The following CDH20 variants were observed in gnomAD, a reference collection of about 807,000 sequenced individuals.
CDH20 encodes cadherin 20.
CDH20 carries 29 observed loss-of-function variants against 74.2 expected under a neutral mutation model. That is an observed-to-expected ratio of 0.39 (90% CI 0.29 to 0.53). The LOEUF is 0.53. Among genes scored for constraint, CDH20 ranks in the 20% least tolerant of loss-of-function variants. The pLI is 0.69. For synonymous variants in CDH20, 469 were observed against 405.4 expected, an observed-to-expected ratio of 1.16 and a Z score of -1.88; for missense variants, 988 against 1,048.3, an observed-to-expected ratio of 0.94 and a Z score of 0.79.
intron 1 of CDH20, among the ~76,000 whole-genome samples, chr18:61,337,405 A>T (rs554787232): frequency 6.6e-6 from 1 of 152,360 alleles, no homozygotes; most frequent in African/African-American, 2.4e-5. Context: ...ATGTCAACTC[A>T]ATCAACATAT....
chr18:61,488,081 C>CATATATATATAT (rs71178973), intron 1 of CDH20, among the ~76,000 whole-genome samples: 3,429 of 148,794 alleles, frequency 0.023, 102 homozygotes, highest in East Asian at 0.091. Context: ...TACGTACATA[C>CATATATATATAT]ATATATATAT....
intron 1 of CDH20, among the ~76,000 whole-genome samples, chr18:61,489,646 T>C (rs1910885999): frequency 6.6e-6 from 1 of 151,978 alleles, no homozygotes; most frequent in South Asian, 2.1e-4. Context: ...AAAGGAGATT[T>C]GTTGACTAGA....
chr18:61,552,165 G>A (rs1375692886), intron 11 of CDH20, among the ~76,000 whole-genome samples: 1 of 99,506 alleles, frequency 1.0e-5, no homozygotes, highest in African/African-American at 3.7e-5. Context: ...AATTAATTCT[G>A]ACTTCCTGGG....
At chr18:61,476,662 A>G (rs1910400869) in intron 1 of CDH20, among the ~76,000 whole-genome samples, 2 of 152,308 alleles carry the variant, frequency 1.3e-5, no homozygotes, top group South Asian at 4.1e-4. Flanking sequence ...GCCTTGGTCT[A>G]GTTGGTTACC....
intron 1 of CDH20, among the ~76,000 whole-genome samples, chr18:61,416,554 T>C (rs1351944677): frequency 6.6e-6 from 1 of 152,214 alleles, no homozygotes; most frequent in Admixed American, 6.5e-5. Context: ...AATTTAGCTG[T>C]TGTTGCTCCA....
intron 7 of CDH20, among the ~76,000 whole-genome samples, chr18:61,534,987 G>A (rs558646): frequency 0.14 from 21,628 of 151,858 alleles, 1,930 homozygotes; most frequent in East Asian, 0.42. Flanking sequence ...CACATTGTAC[G>A]CCATAAATAT....
chr18:61,545,915 C>T (rs1243696050), intron 10 of CDH20, among the ~76,000 whole-genome samples: 1 of 152,098 alleles, frequency 6.6e-6, no homozygotes, highest in Non-Finnish European at 1.5e-5. Flanking sequence ...TTTTTTCCAA[C>T]AAGCATTCAG....
intron 1 of CDH20, among the ~76,000 whole-genome samples, chr18:61,455,611 T>C (rs1909547023): frequency 6.6e-6 from 1 of 151,958 alleles, no homozygotes; most frequent in Non-Finnish European, 1.5e-5. Flanking sequence ...AGGCACAAAT[T>C]TTGAGTCATT....
intron 6 of CDH20, among the ~76,000 whole-genome samples, chr18:61,508,914 G>C (rs552530796): frequency 6.6e-6 from 1 of 152,330 alleles, no homozygotes; most frequent in East Asian, 1.9e-4. Flanking sequence ...TGGGATTACA[G>C]GCGTGAGCCA....
chr18:61,481,831 T>C (rs923734262), intron 1 of CDH20, among the ~76,000 whole-genome samples: 1 of 152,142 alleles, frequency 6.6e-6, no homozygotes, highest in African/African-American at 2.4e-5. Context: ...ATTACAAGTA[T>C]GAACCCACCA....
intron 1 of CDH20, among the ~76,000 whole-genome samples, chr18:61,427,229 T>C (rs1405183768): frequency 6.6e-6 from 1 of 152,146 alleles, no homozygotes; most frequent in African/African-American, 2.4e-5. Context: ...CATACAATAA[T>C]TGTGAGGCAT....
chr18:61,484,019 A>T (rs532202632), intron 1 of CDH20, among the ~76,000 whole-genome samples: 1 of 152,314 alleles, frequency 6.6e-6, no homozygotes, highest in African/African-American at 2.4e-5. Context: ...CCTGTGAATT[A>T]TTTTTTATGG....
chr18:61,479,724 G>A (rs919687960), intron 1 of CDH20, among the ~76,000 whole-genome samples: 1 of 151,948 alleles, frequency 6.6e-6, no homozygotes, highest in African/African-American at 2.4e-5. Flanking sequence ...TCCAAATCCT[G>A]GAAGCTTCTC....
chr18:61,412,117 T>G (rs1450440650), intron 1 of CDH20, among the ~76,000 whole-genome samples: 1 of 151,822 alleles, frequency 6.6e-6, no homozygotes, highest in Admixed American at 6.5e-5. Flanking sequence ...AAAGAACACA[T>G]TTGCCAGGCA....
Position 61,499,270 on chromosome 18 carries a change from G to A in CDH20, c.331G>A (p.Asp111Asn), listed in dbSNP as rs144277190. ...TGCTGGCATCGTGTTTACCATCGAC[G>A]ACACCACTGGAGACATCCACGCCAT... ...EGAGIVFTID[D>N]TTGDIHAIQR... Residue 111 changes from aspartate to asparagine, a missense_variant, in exon 3 of 12, where the codon GAC becomes AAC. Around this residue, in one of 2 missense-constraint regions of CDH20, gnomAD observed 613 missense variants for 755.2 expected, o/e 0.81. Transcript: ENST00000262717. 37 of 1,613,762 alleles carry A rather than the reference G, an allele frequency of 2.3e-5. No individual in the cohort carries two copies. The African/African-American group carries it at 2.5e-4, about 11-fold the overall frequency.
At chr18:61,393,924 AC>A (rs1170484080) in intron 1 of CDH20, among the ~76,000 whole-genome samples, 2 of 152,202 alleles carry the variant, frequency 1.3e-5, no homozygotes, top group African/African-American at 4.8e-5. Flanking sequence ...AAGATTCCTT[AC>A]CTGCAAAATT....
Position 61,536,535 on chromosome 18 carries a change from T to C in CDH20, c.1314T>C (p.Tyr438=). Reference sequence around the variant, plus strand: ...GCAGTGACCCTGGAAGATTTTTCTATGTTGACATTACAACAGGTGCCCTAA... The same window carrying C: ...GCAGTGACCCTGGAAGATTTTTCTACGTTGACATTACAACAGGTGCCCTAA... ...DRSSDPGRFF[Y]VDITTGALMT... The change falls in exon 8 of 12, where the codon TAT becomes TAC. Residue 438 remains tyrosine (Y), a synonymous_variant. Coordinates refer to ENST00000262717, the MANE Select transcript of CDH20 (RefSeq NM_031891.4). The C allele has an allele frequency of 6.2e-7, 1 of 1,613,722 alleles. No homozygotes were observed. The highest frequency in any genetic ancestry group is 1.7e-5 in the Admixed American group (1 of 60,026).
intron 10 of CDH20, 47 bp downstream of exon 10, chr18:61,545,191 C>A: frequency 8.2e-7 from 1 of 1,225,670 alleles, no homozygotes; most frequent in Non-Finnish European, 1.2e-6. Flanking sequence ...ACAGCATAGG[C>A]CAGCTACTTT....
intron 1 of CDH20, among the ~76,000 whole-genome samples, chr18:61,413,195 T>A (rs1012662558): frequency 1.1e-4 from 16 of 152,140 alleles, no homozygotes; most frequent in Non-Finnish European, 1.5e-5. Flanking sequence ...CACATCCACA[T>A]CTGTTAATCT....
Sources: allele counts gnomAD v4.1 joint callset (sites outside exome capture counted in the v4.1 genomes callset), GRCh38; gene constraint gnomAD v4.1.1; regional missense constraint gnomAD v4.1.1; transcripts MANE v1.5; gene names NCBI Gene and HGNC (gene_info 2026-07-23, HGNC 2026-07-21).